Variants in PDE10A observed in about 807,000 individuals in gnomAD.
PDE10A encodes the protein phosphodiesterase 10A.
PDE10A carries 39 observed loss-of-function variants against 97.7 expected under a neutral mutation model. The ratio of observed to expected loss-of-function variants is 0.40; its 90% confidence interval spans 0.31 to 0.52. The LOEUF is 0.52. Among genes scored for constraint, PDE10A ranks in the 20% least tolerant of loss-of-function variants. The probability of loss-of-function intolerance (pLI) is 0.56; values close to 1 mark genes in which losing one functional copy is unlikely to be tolerated. For missense variants in PDE10A, 731 were observed against 1,047.8 expected, an observed-to-expected ratio of 0.70 and a Z score of 4.17; for synonymous variants, 371 against 376.8, an observed-to-expected ratio of 0.98 and a Z score of 0.18.
intron 1 of PDE10A, among the ~76,000 whole-genome samples, chr6:165,943,689 G>C (rs1397595052): frequency 6.6e-6 from 1 of 152,206 alleles, no homozygotes; most frequent in East Asian, 1.9e-4. Context: ...AGTGAGTCAG[G>C]TGATGCCTGC....
intron 1 of PDE10A, among the ~76,000 whole-genome samples, chr6:165,595,075 C>T (rs1240601120): frequency 6.6e-6 from 1 of 152,192 alleles, no homozygotes; most frequent in Admixed American, 6.5e-5. Context: ...AACCCAGATT[C>T]TTTGGACTGC....
intron 6 of PDE10A, 73 bp from the exon 7 acceptor site, chr6:165,433,202 G>A (rs1190371089): frequency 6.0e-6 from 7 of 1,164,990 alleles, no homozygotes; most frequent in Non-Finnish European, 8.7e-6. Flanking sequence ...ATTTCTATCA[G>A]AAATTGCCAT....
At chr6:165,608,768 C>A (rs1787349936) in intron 1 of PDE10A, among the ~76,000 whole-genome samples, 1 of 152,216 alleles carries the variant, frequency 6.6e-6, no homozygotes, top group Non-Finnish European at 1.5e-5. Flanking sequence ...TCCTCTCCAG[C>A]ACCTGTTATT....
At chr6:165,710,905 CA>C (rs1390433686) in intron 1 of PDE10A, among the ~76,000 whole-genome samples, 1 of 152,238 alleles carries the variant, frequency 6.6e-6, no homozygotes. Context: ...TAATCATAGG[CA>C]ATTTTCTCAA....
At chr6:165,976,464 A>T (rs982713932) in intron 1 of PDE10A, among the ~76,000 whole-genome samples, 58 of 152,234 alleles carry the variant, frequency 3.8e-4, no homozygotes, top group African/African-American at 1.4e-3. Flanking sequence ...CTCAAAGCCA[A>T]GAGTTTGCTA....
At chr6:165,606,290 G>T (rs909254475) in intron 1 of PDE10A, among the ~76,000 whole-genome samples, 5 of 152,192 alleles carry the variant, frequency 3.3e-5, no homozygotes, top group African/African-American at 1.2e-4. Context: ...AGTCCGTCAG[G>T]GCTAAGTGTT....
At chr6:165,502,183 ACAG>A (rs1385328111) in intron 2 of PDE10A, among the ~76,000 whole-genome samples, 21 of 152,332 alleles carry the variant, frequency 1.4e-4, no homozygotes, top group African/African-American at 5.1e-4. Flanking sequence ...GTATAAGAAA[ACAG>A]GAGAATATAT....
At chr6:165,363,532 A>G (rs1760842260) in intron 18 of PDE10A, among the ~76,000 whole-genome samples, 1 of 151,914 alleles carries the variant, frequency 6.6e-6, no homozygotes, top group African/African-American at 2.4e-5. Context: ...GAAAAAAAAA[A>G]CAGAAAAGAA....
chr6:165,491,620 G>A (rs1214505549), intron 2 of PDE10A, among the ~76,000 whole-genome samples: 1 of 152,006 alleles, frequency 6.6e-6, no homozygotes, highest in Non-Finnish European at 1.5e-5. Context: ...ATACAGAGAA[G>A]TTAAATTACC....
At chr6:165,938,132 G>C in intron 1 of PDE10A, among the ~76,000 whole-genome samples, 1 of 152,210 alleles carries the variant, frequency 6.6e-6, no homozygotes, top group East Asian at 1.9e-4. Flanking sequence ...TTTGCAAACA[G>C]AGCAATGAGC....
intron 1 of PDE10A, among the ~76,000 whole-genome samples, chr6:165,735,890 C>T (rs891618670): frequency 6.6e-6 from 1 of 152,142 alleles, no homozygotes; most frequent in Non-Finnish European, 1.5e-5. Flanking sequence ...AATTATGAAT[C>T]ATCAAAGACA....
At chr6:165,478,478 A>T (rs1357868119) in intron 3 of PDE10A, among the ~76,000 whole-genome samples, 1 of 152,192 alleles carries the variant, frequency 6.6e-6, no homozygotes, top group Non-Finnish European at 1.5e-5. Context: ...CAGCATTAAC[A>T]CTAAAAAAGG....
intron 1 of PDE10A, among the ~76,000 whole-genome samples, chr6:165,980,673 T>C (rs915890226): frequency 1.3e-5 from 2 of 151,990 alleles, no homozygotes; most frequent in African/African-American, 4.8e-5. Context: ...AGAACCAGGG[T>C]CACGTAGGTG....
At chr6:165,966,048 A>G (rs1784500738) in intron 1 of PDE10A, among the ~76,000 whole-genome samples, 1 of 152,246 alleles carries the variant, frequency 6.6e-6, no homozygotes, top group South Asian at 2.1e-4. Flanking sequence ...CTCCACACAC[A>G]TCTTCCTTCA....
chr6:165,807,631 C>T (rs1453576833), intron 1 of PDE10A, among the ~76,000 whole-genome samples: 1 of 152,134 alleles, frequency 6.6e-6, no homozygotes, highest in Non-Finnish European at 1.5e-5. Context: ...ACGTCAACCT[C>T]CTGTTTATCT....
intron 17 of PDE10A, among the ~76,000 whole-genome samples, chr6:165,380,599 G>C (rs1706123): frequency 0.47 from 71,890 of 152,030 alleles, 18,012 homozygotes; most frequent in African/African-American, 0.65. Flanking sequence ...AAAGCACTTT[G>C]AAACACACGA....
At chr6:165,855,119 G>A (rs1249827846) in intron 1 of PDE10A, among the ~76,000 whole-genome samples, 1 of 152,156 alleles carries the variant, frequency 6.6e-6, no homozygotes, top group Non-Finnish European at 1.5e-5. Flanking sequence ...AGTCCTGGGA[G>A]AAGCTGAGGA....
At chr6:165,783,308 T>C (rs796899766) in intron 1 of PDE10A, among the ~76,000 whole-genome samples, 209 of 152,360 alleles carry the variant, frequency 1.4e-3, no homozygotes, top group African/African-American at 5.0e-3. Flanking sequence ...ATTTTTGGCA[T>C]ATGTGTCTTA....
At chr6:165,692,868 G>C (rs767737908) in intron 1 of PDE10A, among the ~76,000 whole-genome samples, 22 of 152,108 alleles carry the variant, frequency 1.4e-4, no homozygotes, top group Non-Finnish European at 2.9e-4. Flanking sequence ...CAGGAGAAGC[G>C]GAATACTGCA....
Sources: gnomAD v4.1 joint callset for allele counts (sites outside exome capture counted in the v4.1 genomes callset) on GRCh38, gnomAD v4.1.1 for gene constraint, MANE v1.5 for transcripts, NCBI Gene and HGNC (gene_info 2026-07-23, HGNC 2026-07-21) for gene names.